Variants in CCDC73 observed in about 807,000 individuals in gnomAD.
The protein encoded by CCDC73 is coiled-coil domain containing 73.
In CCDC73, 95 loss-of-function variants were observed where a neutral mutation model predicts 116.5. That is an observed-to-expected ratio of 0.82 (90% CI 0.69 to 0.97). CCDC73 has a LOEUF of 0.97. CCDC73 is among the 50% of genes least tolerant of loss of function. The probability of loss-of-function intolerance (pLI) is 0.00; values close to 1 mark genes in which losing one functional copy is unlikely to be tolerated. For synonymous variants in CCDC73, 398 were observed against 401.3 expected, an observed-to-expected ratio of 0.99 and a Z score of 0.10; for missense variants, 1,066 against 1,206.8, an observed-to-expected ratio of 0.88 and a Z score of 1.73.
rs186742846 is a variant in CCDC73, at chr11:32,644,298, C to T, written c.940-2216G>A. On this transcript the variant is annotated intron_variant, in intron 12 of 17. Coordinates refer to ENST00000335185, the MANE Select transcript of CCDC73 (RefSeq NM_001008391.4). ...GAGCTAAACATTGAGCACATATAGA[C>T]ACAAAGAAGGGAACAATGGACACCA... 4.6e-3 allele frequency among the ~76,000 whole-genome samples: 697 copies of T among 152,194 alleles called. 4 individuals are homozygous for T. Among genetic ancestry groups the T allele is most frequent in the Non-Finnish European group, 7.0e-3 (474 of 68,004 alleles).
At chr11:32,671,946 T>A (rs1193395483) in intron 9 of CCDC73, among the ~76,000 whole-genome samples, 1 of 152,218 alleles carries the variant, frequency 6.6e-6, no homozygotes, top group Non-Finnish European at 1.5e-5. Context: ...TTCTCACGCA[T>A]AGAAAGACAT....
chr11:32,746,782 C>CA (rs1850242993), intron 2 of CCDC73, among the ~76,000 whole-genome samples: 2 of 152,156 alleles, frequency 1.3e-5, no homozygotes, highest in Non-Finnish European at 2.9e-5. Context: ...TCCATCAGGT[C>CA]ACTTAAGCTC....
intron 2 of CCDC73, among the ~76,000 whole-genome samples, chr11:32,759,675 A>G (rs1850374136): frequency 6.6e-6 from 1 of 152,196 alleles, no homozygotes. Flanking sequence ...TTCAACCCAG[A>G]ATATTTACTA....
chr11:32,738,242 T>C (rs1850153113), intron 2 of CCDC73, among the ~76,000 whole-genome samples: 1 of 152,238 alleles, frequency 6.6e-6, no homozygotes, highest in East Asian at 1.9e-4. Context: ...CTGGATCATA[T>C]GGTAGCTCTA....
intron 9 of CCDC73, among the ~76,000 whole-genome samples, chr11:32,671,808 C>G (rs1856041747): frequency 1.3e-5 from 2 of 152,188 alleles, no homozygotes; most frequent in Admixed American, 6.5e-5. Flanking sequence ...AGCATGAACA[C>G]TGACACTAAT....
At chr11:32,624,751 A>G (rs1855554819) in intron 14 of CCDC73, among the ~76,000 whole-genome samples, 1 of 152,238 alleles carries the variant, frequency 6.6e-6, no homozygotes, top group South Asian at 2.1e-4. Flanking sequence ...ACTATTCACA[A>G]TAGCAAAGAC....
At chr11:32,740,506 C>T (rs922983202) in intron 2 of CCDC73, among the ~76,000 whole-genome samples, 3 of 151,926 alleles carry the variant, frequency 2.0e-5, no homozygotes, top group Non-Finnish European at 4.4e-5. Context: ...CTCTAAAGAT[C>T]CTTCAAATTT....
At chr11:32,762,966 C>T (rs1850405271) in intron 1 of CCDC73, among the ~76,000 whole-genome samples, 1 of 152,190 alleles carries the variant, frequency 6.6e-6, no homozygotes, top group Non-Finnish European at 1.5e-5. Flanking sequence ...GCGCCTGGCT[C>T]GGAGGGTCCC....
intron 1 of CCDC73, among the ~76,000 whole-genome samples, chr11:32,782,712 T>G (rs1423546850): frequency 6.6e-6 from 1 of 152,190 alleles, no homozygotes; most frequent in African/African-American, 2.4e-5. Flanking sequence ...AATTATTTTC[T>G]TATCCATAGT....
intron 3 of CCDC73, among the ~76,000 whole-genome samples, chr11:32,716,981 G>C (rs1248990671): frequency 6.6e-6 from 1 of 152,116 alleles, no homozygotes; most frequent in African/African-American, 2.4e-5. Context: ...GTTGTACTTA[G>C]TATTTACCTA....
At chr11:32,786,363 TA>T (rs1476982518) in intron 1 of CCDC73, among the ~76,000 whole-genome samples, 6 of 104,042 alleles carry the variant, frequency 5.8e-5, no homozygotes, top group Non-Finnish European at 1.1e-4. Context: ...TATATAATTA[TA>T]ATATATAATA....
At chr11:32,679,481 A>G (rs1856124847) in intron 7 of CCDC73, among the ~76,000 whole-genome samples, 1 of 152,040 alleles carries the variant, frequency 6.6e-6, no homozygotes, top group Non-Finnish European at 1.5e-5. Flanking sequence ...CTCCTGCCTC[A>G]GCCTCCCGAG....
intron 12 of CCDC73, among the ~76,000 whole-genome samples, chr11:32,644,283 T>C (rs149225077): frequency 2.0e-5 from 3 of 152,120 alleles, no homozygotes; most frequent in South Asian, 2.1e-4. Context: ...GAGCTAAACA[T>C]TGAGCACATA....
At chr11:32,671,732 G>A (rs751342623) in intron 9 of CCDC73, among the ~76,000 whole-genome samples, 10 of 152,066 alleles carry the variant, frequency 6.6e-5, no homozygotes, top group South Asian at 2.1e-4. Flanking sequence ...CTTTGAAGTC[G>A]CAAAGGTAAT....
intron 5 of CCDC73, among the ~76,000 whole-genome samples, 197 bp downstream of exon 5, chr11:32,700,594 T>G (rs527482251): frequency 6.6e-6 from 1 of 152,200 alleles, no homozygotes; most frequent in African/African-American, 2.4e-5. Flanking sequence ...CTGTAAATGA[T>G]GGAAGTGAAG....
upstream of CCDC73, among the ~76,000 whole-genome samples, chr11:32,796,365 C>T (rs1850728149): frequency 6.6e-6 from 1 of 152,330 alleles, no homozygotes; most frequent in African/African-American, 2.4e-5. Context: ...ACCATAACAG[C>T]TATACTCTAA....
the CCDC73 span, among the ~76,000 whole-genome samples, chr11:32,817,575 TCTGTATG>T: frequency 6.6e-6 from 1 of 152,202 alleles, no homozygotes; most frequent in Non-Finnish European, 1.5e-5. Context: ...ATCAATTCAT[TCTGTATG>T]CCCCTGCCAG....
intron 9 of CCDC73, among the ~76,000 whole-genome samples, chr11:32,657,805 A>G (rs911188705): frequency 3.3e-5 from 5 of 152,068 alleles, no homozygotes; most frequent in Non-Finnish European, 7.4e-5. Context: ...GTTCAAAACT[A>G]TTCTGGGCAA....
intron 6 of CCDC73, among the ~76,000 whole-genome samples, chr11:32,696,776 A>T (rs1934560089): frequency 6.6e-6 from 1 of 152,034 alleles, no homozygotes; most frequent in African/African-American, 2.4e-5. Flanking sequence ...CCAAATTTTA[A>T]CTTGCTTTAT....
Sources: allele counts gnomAD v4.1 joint callset (sites outside exome capture counted in the v4.1 genomes callset), GRCh38; gene constraint gnomAD v4.1.1; transcripts MANE v1.5; gene names NCBI Gene and HGNC (gene_info 2026-07-23, HGNC 2026-07-21).